The following IDE variants were observed in gnomAD, a reference collection of about 807,000 sequenced individuals.
The protein encoded by IDE is insulin degrading enzyme, also known as insulin-degrading enzyme.
In IDE, 58 loss-of-function variants were observed where a neutral mutation model predicts 133.2. The ratio of observed to expected loss-of-function variants is 0.44; its 90% CI spans 0.35 to 0.54. IDE has a LOEUF of 0.54. IDE is among the 20% of genes least tolerant of loss of function. The probability of loss-of-function intolerance (pLI) is 0.00; values close to 1 mark genes in which losing one functional copy is unlikely to be tolerated. For synonymous variants in IDE, 396 were observed against 421.3 expected (o/e 0.94, Z 0.73); for missense variants, 981 against 1,234.0 (o/e 0.79, Z 3.07).
At chr10:92,527,687 A>C (rs1263877993) in intron 4 of IDE, among the ~76,000 whole-genome samples, 5 of 152,144 alleles carry the variant, frequency 3.3e-5, no homozygotes, top group Admixed American at 6.6e-5. Context: ...AAATGAAATA[A>C]TTTTTACCCC....
At chr10:92,499,600 T>C (rs1847900834) in intron 11 of IDE, among the ~76,000 whole-genome samples, 2 of 151,820 alleles carry the variant, frequency 1.3e-5, no homozygotes, top group African/African-American at 2.4e-5. Context: ...ACCCTGCTAA[T>C]TTGCATACTT....
chr10:92,455,757 C>A, intron 23 of IDE, 114 bp from the exon 24 acceptor site: 1 of 644,840 alleles, frequency 1.6e-6, no homozygotes, highest in Non-Finnish European at 2.8e-6. Flanking sequence ...CAGCCCCGTT[C>A]ATGTACTTCT....
At chr10:92,545,084 T>C (rs945566731) in intron 1 of IDE, among the ~76,000 whole-genome samples, 6 of 152,202 alleles carry the variant, frequency 3.9e-5, no homozygotes, top group African/African-American at 1.4e-4. Context: ...ATTAAATTTA[T>C]CCATTTTAAA....
At chr10:92,555,804 T>C (rs529870200) in intron 1 of IDE, among the ~76,000 whole-genome samples, 1 of 152,316 alleles carries the variant, frequency 6.6e-6, no homozygotes, top group East Asian at 1.9e-4. Flanking sequence ...TCTTGCCACT[T>C]CTATTCAACA....
intron 11 of IDE, among the ~76,000 whole-genome samples, chr10:92,498,011 T>C (rs1379089282): frequency 6.6e-6 from 1 of 152,240 alleles, no homozygotes; most frequent in Non-Finnish European, 1.5e-5. Context: ...CCTTATTATA[T>C]GGTATAACTT....
intron 1 of IDE, among the ~76,000 whole-genome samples, chr10:92,547,097 T>C (rs751725373): frequency 3.9e-5 from 6 of 152,182 alleles, no homozygotes; most frequent in Non-Finnish European, 7.3e-5. Context: ...TCTTCTTTTT[T>C]GTAAGATAGG....
At chr10:92,526,636 A>G (rs537137765) in intron 4 of IDE, among the ~76,000 whole-genome samples, 2 of 152,154 alleles carry the variant, frequency 1.3e-5, no homozygotes, top group East Asian at 3.9e-4. Flanking sequence ...ACTTGAGCCT[A>G]GGAGTTTGAG....
chr10:92,563,256 G>A (rs1589549951), intron 1 of IDE, among the ~76,000 whole-genome samples: 1 of 145,438 alleles, frequency 6.9e-6, no homozygotes, highest in Non-Finnish European at 1.6e-5. Context: ...CACCTCGGGG[G>A]GGAAAAAACC....
intron 11 of IDE, among the ~76,000 whole-genome samples, chr10:92,494,847 C>T (rs1847591257): frequency 6.6e-6 from 1 of 152,100 alleles, no homozygotes; most frequent in Non-Finnish European, 1.5e-5. Flanking sequence ...ATGCCTAACA[C>T]AGAATAGGGA....
At chr10:92,560,161 C>T (rs908675710) in intron 1 of IDE, among the ~76,000 whole-genome samples, 28 of 152,098 alleles carry the variant, frequency 1.8e-4, no homozygotes, top group Admixed American at 6.6e-4. Flanking sequence ...ATAATAATAT[C>T]GATAATAGTT....
intron 21 of IDE, 52 bp from the exon 22 acceptor site, chr10:92,461,304 C>A: frequency 1.2e-6 from 1 of 844,444 alleles, no homozygotes; most frequent in Non-Finnish European, 2.0e-6. Context: ...TGAAGCAGCC[C>A]AGAACAGTAC....
chr10:92,468,771 C>T, intron 19 of IDE, 108 bp downstream of exon 19: 2 of 593,162 alleles, frequency 3.4e-6, no homozygotes, highest in Non-Finnish European at 6.0e-6. Context: ...AGGAGAGGTT[C>T]CCAAGTAAAT....
At chr10:92,569,474 C>A (rs938797287) in intron 1 of IDE, among the ~76,000 whole-genome samples, 1 of 152,062 alleles carries the variant, frequency 6.6e-6, no homozygotes, top group African/African-American at 2.4e-5. Context: ...TAAGATGTTA[C>A]GAAGATGATC....
intron 1 of IDE, among the ~76,000 whole-genome samples, chr10:92,556,179 C>CAAAAAAAAAAAAAAAA (rs60008680): frequency 4.9e-4 from 34 of 69,154 alleles, no homozygotes; most frequent in South Asian, 2.0e-3. Flanking sequence ...GACTCCGTCT[C>CAAAAAAAAAAAAAAAA]AAAAAAAAAA....
intron 3 of IDE, among the ~76,000 whole-genome samples, chr10:92,533,993 A>G (rs948846596): frequency 6.6e-6 from 1 of 152,078 alleles, no homozygotes; most frequent in Non-Finnish European, 1.5e-5. Flanking sequence ...ATTGCATTCC[A>G]GCCTGGGAAA....
intron 17 of IDE, among the ~76,000 whole-genome samples, chr10:92,473,525 TA>T (rs1309962135): frequency 6.6e-6 from 1 of 151,738 alleles, no homozygotes; most frequent in East Asian, 1.9e-4. Flanking sequence ...TCCTGAAAAT[TA>T]GACTTAAGAT....
intron 11 of IDE, among the ~76,000 whole-genome samples, chr10:92,501,734 G>C (rs571729257): frequency 6.6e-6 from 1 of 152,014 alleles, no homozygotes; most frequent in South Asian, 2.1e-4. Flanking sequence ...CAGCACTTTG[G>C]GAGGCTGAGG....
chr10:92,541,377 A>T (rs2135718997), intron 1 of IDE: 1 of 467,444 alleles, frequency 2.1e-6, no homozygotes, highest in South Asian at 1.6e-5. Context: ...CTGTCTCTGT[A>T]TTTATACTCA....
intron 1 of IDE, among the ~76,000 whole-genome samples, chr10:92,551,074 A>G (rs1842756209): frequency 6.6e-6 from 1 of 152,228 alleles, no homozygotes; most frequent in African/African-American, 2.4e-5. Flanking sequence ...AAAAGAAATG[A>G]AACCAAAGAC....
Sources: gnomAD v4.1 joint callset for allele counts (sites outside exome capture counted in the v4.1 genomes callset) on GRCh38, gnomAD v4.1.1 for gene constraint, MANE v1.5 for transcripts, NCBI Gene and HGNC (gene_info 2026-07-23, HGNC 2026-07-21) for gene names.